Variants in NAALADL2 observed in about 807,000 individuals in gnomAD.
NAALADL2 encodes inactive N-acetylated-alpha-linked acidic dipeptidase-like protein 2.
NAALADL2 carries 76 observed loss-of-function variants against 87.2 expected under a neutral mutation model. The observed-to-expected ratio is 0.87, with a 90% confidence interval of 0.72 to 1.05. NAALADL2 has a LOEUF of 1.05. Ranked by LOEUF, NAALADL2 falls within the 50% of genes least tolerant of loss-of-function variation. NAALADL2 has a pLI of 0.00. For missense variants in NAALADL2, 1,089 were observed against 945.8 expected (o/e 1.15, Z -1.99); for synonymous variants, 354 against 331.0 (o/e 1.07, Z -0.75).
chr3:175,353,650 G>C (rs1299802246), intron 5 of NAALADL2, among the ~76,000 whole-genome samples: 1 of 152,152 alleles, frequency 6.6e-6, no homozygotes, highest in Non-Finnish European at 1.5e-5. Flanking sequence ...ACTCTTCAAA[G>C]AAAATGTAGG....
intron 5 of NAALADL2, among the ~76,000 whole-genome samples, chr3:175,397,058 A>G (rs373976192): frequency 4.6e-5 from 7 of 152,144 alleles, no homozygotes; most frequent in African/African-American, 1.7e-4. Context: ...GTGCCTTGAT[A>G]CTTAGTGGCA....
intron 1 of NAALADL2, among the ~76,000 whole-genome samples, chr3:174,894,453 G>A (rs1731240904): frequency 1.3e-5 from 2 of 151,604 alleles, no homozygotes; most frequent in South Asian, 2.1e-4. Flanking sequence ...AATTAACTGG[G>A]CGTGGTGGTG....
At chr3:175,347,385 A>C (rs1239513213) in intron 5 of NAALADL2, among the ~76,000 whole-genome samples, 4 of 152,176 alleles carry the variant, frequency 2.6e-5, no homozygotes, top group Non-Finnish European at 5.9e-5. Context: ...AGGGTATTTA[A>C]AACTAAATAT....
chr3:174,825,666 C>T (rs1056922958), intron 3 of NAALADL2, among the ~76,000 whole-genome samples: 1 of 152,182 alleles, frequency 6.6e-6, no homozygotes, highest in Non-Finnish European at 1.5e-5. Flanking sequence ...ATGCCTTCTT[C>T]CCTATTCCTT....
intron 5 of NAALADL2, among the ~76,000 whole-genome samples, chr3:175,379,134 C>A (rs1399672116): frequency 6.6e-6 from 1 of 151,598 alleles, no homozygotes. Context: ...AATTTTGGAC[C>A]CACTGGTTAA....
intron 2 of NAALADL2, among the ~76,000 whole-genome samples, chr3:175,149,527 A>G (rs1358437707): frequency 5.9e-5 from 9 of 151,858 alleles, no homozygotes; most frequent in Admixed American, 3.9e-4. Context: ...AACATTAGCT[A>G]TGTCTTTTTC....
At chr3:175,015,031 T>C (rs1313975830) in intron 1 of NAALADL2, among the ~76,000 whole-genome samples, 2 of 152,120 alleles carry the variant, frequency 1.3e-5, no homozygotes, top group Non-Finnish European at 2.9e-5. Flanking sequence ...AGAAAGCATG[T>C]CAATTCAGCT....
At chr3:175,216,884 G>T (rs1742636391) in intron 2 of NAALADL2, among the ~76,000 whole-genome samples, 1 of 151,918 alleles carries the variant, frequency 6.6e-6, no homozygotes, top group Non-Finnish European at 1.5e-5. Flanking sequence ...GGCCAGGCTG[G>T]TCTCGAACTC....
chr3:175,052,385 G>A (rs1385218416), intron 1 of NAALADL2, among the ~76,000 whole-genome samples: 1 of 152,132 alleles, frequency 6.6e-6, no homozygotes, highest in African/African-American at 2.4e-5. Context: ...TTTTGTGGGG[G>A]GGCCTGTTTC....
chr3:174,968,873 C>T (rs1743233146), intron 1 of NAALADL2, among the ~76,000 whole-genome samples: 1 of 152,074 alleles, frequency 6.6e-6, no homozygotes, highest in South Asian at 2.1e-4. Flanking sequence ...AGAAAGAGAC[C>T]TTTGGGCCAC....
At chr3:174,839,838 A>G (rs1560276349) in intron 3 of NAALADL2, among the ~76,000 whole-genome samples, 1 of 150,820 alleles carries the variant, frequency 6.6e-6, no homozygotes, top group African/African-American at 2.5e-5. Context: ...TAAAAAAAAA[A>G]TAATAAAAAA....
chr3:174,867,125 G>A (rs1263132353), intron 1 of NAALADL2, among the ~76,000 whole-genome samples: 2 of 150,946 alleles, frequency 1.3e-5, no homozygotes, highest in Non-Finnish European at 3.0e-5. Context: ...AAATTGATTA[G>A]ATAATAAATA....
At chr3:175,017,765 T>C (rs1319634821) in intron 1 of NAALADL2, among the ~76,000 whole-genome samples, 1 of 152,094 alleles carries the variant, frequency 6.6e-6, no homozygotes, top group Non-Finnish European at 1.5e-5. Flanking sequence ...AATATTATTT[T>C]TGGGGGGCAC....
chr3:174,509,858 A>G (rs79415604), intron 1 of NAALADL2, among the ~76,000 whole-genome samples: 1 of 151,962 alleles, frequency 6.6e-6, no homozygotes. Flanking sequence ...GAGATTCAAC[A>G]TACGAATTTT....
At chr3:174,614,601 C>G (rs112384696) in intron 2 of NAALADL2, among the ~76,000 whole-genome samples, 1 of 152,160 alleles carries the variant, frequency 6.6e-6, no homozygotes, top group Admixed American at 6.5e-5. Context: ...TGATTCAGGA[C>G]TGTTTGTCCT....
chr3:175,670,403 T>TTTACATTACATTAAAA (rs1733778803), intron 11 of NAALADL2, among the ~76,000 whole-genome samples: 1 of 145,878 alleles, frequency 6.9e-6, no homozygotes, highest in Non-Finnish European at 1.5e-5. Flanking sequence ...TTATATTAAA[T>TTTACATTACATTAAAA]TTACATTAAA....
chr3:175,376,902 C>T (rs1767195121), intron 5 of NAALADL2, among the ~76,000 whole-genome samples: 1 of 151,936 alleles, frequency 6.6e-6, no homozygotes, highest in Non-Finnish European at 1.5e-5. Context: ...ACTGTTAATC[C>T]CTCCCAGTAA....
At chr3:174,879,542 C>G (rs1218503524) in intron 1 of NAALADL2, among the ~76,000 whole-genome samples, 2 of 151,894 alleles carry the variant, frequency 1.3e-5, no homozygotes, top group Non-Finnish European at 2.9e-5. Flanking sequence ...AATTAATTTT[C>G]TTTTCATATG....
At chr3:175,385,752 G>T (rs1340907267) in intron 5 of NAALADL2, among the ~76,000 whole-genome samples, 1 of 151,914 alleles carries the variant, frequency 6.6e-6, no homozygotes, top group East Asian at 1.9e-4. Context: ...CATCTAATAT[G>T]TATCAATGAA....
Sources: gnomAD v4.1 joint callset for allele counts (sites outside exome capture counted in the v4.1 genomes callset) on GRCh38, gnomAD v4.1.1 for gene constraint, MANE v1.5 for transcripts, NCBI Gene and HGNC (gene_info 2026-07-23, HGNC 2026-07-21) for gene names.